TP73: variants seen among roughly 807,000 people sequenced by gnomAD.
The protein encoded by TP73 is tumor protein p73.
Under a neutral mutation model 62.5 loss-of-function variants are expected in TP73, and 25 were observed. The observed-to-expected ratio is 0.40, with a 90% CI of 0.29 to 0.56. The LOEUF is 0.56. Ranked by LOEUF, TP73 falls within the 20% of genes least tolerant of loss-of-function variation. The probability of loss-of-function intolerance (pLI) is 0.46; values close to 1 mark genes in which losing one functional copy is unlikely to be tolerated. For missense variants in TP73, 754 were observed against 913.3 expected (o/e 0.83, Z 2.25); for synonymous variants, 423 against 377.5 (o/e 1.12, Z -1.40).
Position 3,670,894 on chromosome 1 carries a change from G to T in TP73, c.-33-11439G>T, listed in dbSNP as rs533889179. ...GCCAGGCGGGTGCTGGGGCTGCAGC[G>T]CAGAGAGCAGTCAGGGCTTGGTGGT... On this transcript the variant is annotated intron_variant, in intron 1 of 13. Coordinates refer to ENST00000378295, the MANE Select transcript of TP73 (RefSeq NM_005427.4). This position sits in a 1 kb window ranked among gnomAD's most constrained non-coding sequence, Gnocchi z 5.9. Among the ~76,000 whole-genome samples, 1 of 152,192 alleles carries T rather than the reference G, an allele frequency of 6.6e-6. No homozygotes were observed. Among genetic ancestry groups the T allele is most frequent in the Non-Finnish European group, 1.5e-5 (1 of 68,020 alleles).
chr1:3,671,826 C>T (rs770878945), intron 1 of TP73, among the ~76,000 whole-genome samples: 4 of 152,188 alleles, frequency 2.6e-5, no homozygotes, highest in Non-Finnish European at 5.9e-5. Context: ...CAGTGGCTGC[C>T]TCTGGAAGGA....
intron 4 of TP73, among the ~76,000 whole-genome samples, chr1:3,711,846 ATG>A (rs3841787): frequency 0.15 from 22,462 of 150,006 alleles, 1,768 homozygotes; most frequent in Middle Eastern, 0.18. Context: ...GAGCGTGTGT[ATG>A]TGTGTGTGTG....
intron 4 of TP73, among the ~76,000 whole-genome samples, chr1:3,718,673 C>CA (rs1463737808): frequency 6.6e-6 from 1 of 152,106 alleles, no homozygotes; most frequent in African/African-American, 2.4e-5. Flanking sequence ...GGCTTGGTTG[C>CA]ACCCAGAGCC....
At chr1:3,665,381 A>C (rs1374553930) in intron 1 of TP73, among the ~76,000 whole-genome samples, 2 of 152,312 alleles carry the variant, frequency 1.3e-5, no homozygotes, top group African/African-American at 4.8e-5. Flanking sequence ...GAAAATGATG[A>C]ATTCTGATAA....
At chr1:3,677,289 T>C (rs1570412483) in intron 1 of TP73, among the ~76,000 whole-genome samples, 1 of 151,992 alleles carries the variant, frequency 6.6e-6, no homozygotes, top group East Asian at 1.9e-4. Context: ...GAGGTCTGGG[T>C]TTGCCGGAGG....
rs1181867 is a variant in TP73 at position 3,734,754 on chromosome 1, A to G, written c.*1675A>G. On this transcript the variant is annotated 3_prime_UTR_variant, in exon 14 of 14. Coordinates refer to ENST00000378295, the MANE Select transcript of TP73 (RefSeq NM_005427.4). The surrounding 1 kb of genome is among the most constrained non-coding windows in gnomAD (Gnocchi z 4.4). ...GTACCTGGTCTACGAAGACGCAGGC[A>G]TCCCTCTCCCACCGTCCACCTCCCC... 99,588 of 152,172 alleles carry G rather than the reference A, an allele frequency of 0.65. 34,023 individuals carry two copies. Among genetic ancestry groups the G allele is most frequent in the Non-Finnish European group, 0.78 (52,823 of 68,048 alleles). 9.4% of individuals were successfully genotyped at this position (152,172 alleles called of 1,614,324 possible). A position where few individuals can be genotyped will look rare whatever the true frequency, so the allele number is the denominator to read the frequency against.
At chr1:3,721,797 G>A (rs1310390801) in intron 4 of TP73, among the ~76,000 whole-genome samples, 1 of 152,168 alleles carries the variant, frequency 6.6e-6, no homozygotes, top group Non-Finnish European at 1.5e-5. Flanking sequence ...GAGCCCAAAT[G>A]ACCCGATGGC....
In TP73 at chr1:3,707,722, C is replaced by T. The variant is rs746726746; in HGVS notation, c.360C>T (p.Asp120=). 1 of 1,613,288 alleles carries T rather than the reference C, an allele frequency of 6.2e-7. No individual in the cohort carries two copies. ...SPAPVIPSNT[D]YPGPHHFEVT... ...CGCCTGTCATCCCCTCCAACACCGA[C>T]TACCCCGGACCCCACCACTTTGAGG... Residue 120 remains aspartate (D), a synonymous_variant, in exon 4 of 14, where the codon GAC becomes GAT. Coordinates refer to ENST00000378295, the MANE Select transcript of TP73 (RefSeq NM_005427.4).
chr1:3,727,329 G>C (rs1641731489), intron 7 of TP73, 105 bp downstream of exon 7: 1 of 1,201,262 alleles, frequency 8.3e-7, no homozygotes, highest in African/African-American at 1.5e-5. Context: ...CTAGCTTGGG[G>C]AAGAGACTTT....
intron 1 of TP73, among the ~76,000 whole-genome samples, chr1:3,669,148 G>A (rs181610185): frequency 1.2e-3 from 187 of 152,384 alleles, no homozygotes; most frequent in South Asian, 7.0e-3. Context: ...CCGACCCTCC[G>A]GGGCCCAGGC....
rs1230183873 is a variant in TP73 at position 3,699,178 on chromosome 1, A to T, written c.187-8371A>T. 6.6e-6 allele frequency among the ~76,000 whole-genome samples: 1 copy of T among 152,058 alleles called. No homozygotes were observed. The highest frequency in any genetic ancestry group is 1.9e-4 in the East Asian group (1 of 5,170). On this transcript the variant is annotated intron_variant, in intron 3 of 13. Transcript: ENST00000378295. The surrounding 1 kb of genome is among the most constrained non-coding windows in gnomAD (Gnocchi z 4.1). Reference sequence around the variant, plus strand: ...CATGTCGAATCTTGTTGGCATTTCCATTCGTTTAATCACGGGCTCCGGGAG... The same window carrying T: ...CATGTCGAATCTTGTTGGCATTTCCTTTCGTTTAATCACGGGCTCCGGGAG...
intron 1 of TP73, chr1:3,659,180 A>G (rs1644934977): frequency 6.6e-6 from 1 of 150,454 alleles, no homozygotes. Flanking sequence ...AACAAAAGAA[A>G]AAAAAAAAAA....
rs375722664 is a variant in TP73 at position 3,672,412 on chromosome 1, G to C, written c.-33-9921G>C. Among the ~76,000 whole-genome samples, 1 of 152,088 alleles carries C rather than the reference G, an allele frequency of 6.6e-6. No individual in the cohort carries two copies. The highest frequency in any genetic ancestry group is 1.5e-5 in the Non-Finnish European group (1 of 67,998). On this transcript the variant is annotated intron_variant, in intron 1 of 13. Coordinates refer to ENST00000378295, the MANE Select transcript of TP73 (RefSeq NM_005427.4). The surrounding 1 kb of genome is among the most constrained non-coding windows in gnomAD (Gnocchi z 5.3). Reference sequence around the variant, plus strand: ...AGGGGGTGTGAGAGGAGGATCGGAGGGGGCAGAGGACAGGGATGTGTCTGT... The same window carrying C: ...AGGGGGTGTGAGAGGAGGATCGGAGCGGGCAGAGGACAGGGATGTGTCTGT...
intron 11 of TP73, 26 bp from the exon 12 acceptor site, chr1:3,730,901 G>A (rs1642085133): frequency 1.3e-6 from 2 of 1,575,792 alleles, no homozygotes; most frequent in African/African-American, 1.4e-5. Flanking sequence ...TGGCTGCCCT[G>A]ATGGCCCCAC....
chr1:3,720,698 T>G (rs1641002629), intron 4 of TP73, among the ~76,000 whole-genome samples: 1 of 152,236 alleles, frequency 6.6e-6, no homozygotes, highest in African/African-American at 2.4e-5. Context: ...TTCGTGTGCC[T>G]GCACCTGCCA....
At chr1:3,708,948 C>A (rs192763251) in intron 4 of TP73, among the ~76,000 whole-genome samples, 3 of 152,240 alleles carry the variant, frequency 2.0e-5, no homozygotes, top group East Asian at 1.9e-4. Flanking sequence ...ATTCCCACCC[C>A]CTGTCGGGAG....
At chr1:3,691,889 C>T (rs1252762666) in intron 3 of TP73, among the ~76,000 whole-genome samples, 3 of 152,290 alleles carry the variant, frequency 2.0e-5, no homozygotes, top group East Asian at 3.9e-4. Context: ...CCTTTGGAGC[C>T]GTGGGCTCCC....
intron 1 of TP73, among the ~76,000 whole-genome samples, chr1:3,660,146 C>T (rs1038229671): frequency 6.6e-6 from 1 of 152,196 alleles, no homozygotes; most frequent in Non-Finnish European, 1.5e-5. Flanking sequence ...CCTCTTGAGG[C>T]TAAGAAGTCA....
chr1:3,661,601 C>T (rs1019521240), intron 1 of TP73, among the ~76,000 whole-genome samples: 1 of 151,620 alleles, frequency 6.6e-6, no homozygotes, highest in East Asian at 2.0e-4. Context: ...CTCAGCTACT[C>T]GGGAAGCTGA....
Sources: gnomAD v4.1 joint callset for allele counts (sites outside exome capture counted in the v4.1 genomes callset) on GRCh38, gnomAD v4.1.1 for gene constraint, Gnocchi (gnomAD v3.1) non-coding constraint, MANE v1.5 for transcripts, NCBI Gene and HGNC (gene_info 2026-07-23, HGNC 2026-07-21) for gene names.